KIAA0232: variants seen among roughly 807,000 people sequenced by gnomAD.
KIAA0232 encodes the protein KIAA0232, also known as uncharacterized protein KIAA0232.
A neutral mutation model predicts 122.0 loss-of-function variants in KIAA0232; 27 were observed. The observed-to-expected ratio is 0.22, with a 90% CI of 0.16 to 0.31. The LOEUF is 0.31. Ranked by LOEUF, KIAA0232 falls within the 10% of genes least tolerant of loss-of-function variation. The probability of loss-of-function intolerance (pLI) is 1.00; values close to 1 mark genes in which losing one functional copy is unlikely to be tolerated. For missense variants in KIAA0232, 1,551 were observed against 1,634.2 expected (o/e 0.95, Z 0.88); for synonymous variants, 613 against 587.6 (o/e 1.04, Z -0.63).
At chr4:6,838,551 G>C (rs940952077) in intron 3 of KIAA0232, among the ~76,000 whole-genome samples, 6 of 152,058 alleles carry the variant, frequency 3.9e-5, no homozygotes, top group Non-Finnish European at 7.4e-5. Context: ...AGGTCTGACT[G>C]TTACCTGATA....
rs1006752789 is a variant in KIAA0232 at position 6,883,529 on chromosome 4, G to A, written c.*2563G>A. On this transcript the variant is annotated 3_prime_UTR_variant, in exon 10 of 10. Coordinates refer to ENST00000307659, the MANE Select transcript of KIAA0232 (RefSeq NM_014743.3). Reference sequence around the variant, plus strand: ...CAGACACTGCTGAAAACATTGTGCAGCTTTGCTAGGGAAGAAAGTGGTGTG... The same window carrying A: ...CAGACACTGCTGAAAACATTGTGCAACTTTGCTAGGGAAGAAAGTGGTGTG... 5 of 152,170 alleles carry A rather than the reference G, an allele frequency of 3.3e-5. No homozygotes were observed. Among genetic ancestry groups the A allele is most frequent in the Non-Finnish European group, 5.9e-5 (4 of 68,036 alleles). The allele number at this position is 152,170 out of a possible 1,614,324, so 9.4% of individuals were successfully genotyped here.
intron 5 of KIAA0232, among the ~76,000 whole-genome samples, chr4:6,858,055 A>T (rs1045225005): frequency 6.6e-6 from 1 of 152,260 alleles, no homozygotes; most frequent in Non-Finnish European, 1.5e-5. Context: ...AGATGAGTCA[A>T]TGTAAAGTCT....
chr4:6,810,528 C>G (rs1357442724), intron 2 of KIAA0232, among the ~76,000 whole-genome samples: 1 of 152,110 alleles, frequency 6.6e-6, no homozygotes, highest in Non-Finnish European at 1.5e-5. Flanking sequence ...GGCAAAGAAT[C>G]AGTGACTAAG....
At chr4:6,866,437 G>T (rs936781973) in intron 7 of KIAA0232, among the ~76,000 whole-genome samples, 1 of 152,228 alleles carries the variant, frequency 6.6e-6, no homozygotes, top group Non-Finnish European at 1.5e-5. Flanking sequence ...TTACTTCATA[G>T]ATTCATCTGA....
intron 4 of KIAA0232, among the ~76,000 whole-genome samples, chr4:6,853,966 T>A (rs936450812): frequency 6.6e-6 from 1 of 151,938 alleles, no homozygotes; most frequent in Non-Finnish European, 1.5e-5. Context: ...GAGCAGAGAG[T>A]GTAGCAGTAG....
chr4:6,830,132 G>T (rs552705156), intron 3 of KIAA0232, among the ~76,000 whole-genome samples: 75 of 152,304 alleles, frequency 4.9e-4, no homozygotes, highest in African/African-American at 1.7e-3. Context: ...CATGTGCTGT[G>T]TGCCAGCCAC....
chr4:6,823,860 A>G (rs1322060518), intron 2 of KIAA0232, among the ~76,000 whole-genome samples: 4 of 152,188 alleles, frequency 2.6e-5, no homozygotes, highest in African/African-American at 9.7e-5. Context: ...ATTTATAAAG[A>G]CAATGTCTCA....
intron 8 of KIAA0232, 103 bp downstream of exon 8, chr4:6,871,785 G>T: frequency 1.4e-6 from 1 of 738,370 alleles, no homozygotes; most frequent in South Asian, 1.7e-5. Context: ...CATTTACCAA[G>T]AGGTTTCTGT....
At chr4:6,847,983 G>C (rs1227219158) in intron 4 of KIAA0232, among the ~76,000 whole-genome samples, 4 of 152,138 alleles carry the variant, frequency 2.6e-5, no homozygotes, top group Non-Finnish European at 5.9e-5. Flanking sequence ...ATGAGGCCCT[G>C]TTTGAGGAGT....
chr4:6,868,748 G>A (rs997811823), intron 7 of KIAA0232, among the ~76,000 whole-genome samples: 2 of 152,186 alleles, frequency 1.3e-5, no homozygotes, highest in African/African-American at 2.4e-5. Context: ...GATGAATATA[G>A]CATGATCCAG....
intron 1 of KIAA0232, among the ~76,000 whole-genome samples, chr4:6,785,579 A>G (rs544855894): frequency 5.3e-5 from 8 of 152,356 alleles, no homozygotes; most frequent in Non-Finnish European, 8.8e-5. Context: ...TTAAAACCTC[A>G]GATTACTTGC....
intron 1 of KIAA0232, among the ~76,000 whole-genome samples, chr4:6,795,337 A>C (rs550490519): frequency 1.4e-3 from 210 of 152,182 alleles, no homozygotes; most frequent in African/African-American, 4.8e-3. Flanking sequence ...CTCCCAAAGT[A>C]CTGGGATCAC....
At chr4:6,828,900 T>C (rs150033646) in intron 3 of KIAA0232, among the ~76,000 whole-genome samples, 38 of 152,270 alleles carry the variant, frequency 2.5e-4, no homozygotes, top group Middle Eastern at 3.4e-3. Flanking sequence ...AAAATTAGCA[T>C]TGATGAAACT....
chr4:6,832,376 T>G (rs1719035726), intron 3 of KIAA0232, among the ~76,000 whole-genome samples: 1 of 149,534 alleles, frequency 6.7e-6, no homozygotes, highest in South Asian at 2.2e-4. Flanking sequence ...GGAGAGGGAC[T>G]CTTGCTGTGT....
chr4:6,806,945 T>A (rs548922417), intron 2 of KIAA0232, among the ~76,000 whole-genome samples: 1 of 152,186 alleles, frequency 6.6e-6, no homozygotes, highest in African/African-American at 2.4e-5. Context: ...GAAGTCTGTT[T>A]AGTACTTCTG....
intron 8 of KIAA0232, among the ~76,000 whole-genome samples, chr4:6,875,206 G>A (rs980277982): frequency 2.0e-5 from 3 of 152,332 alleles, no homozygotes; most frequent in South Asian, 2.1e-4. Context: ...GATAAGCAGC[G>A]GTCATGGGTG....
intron 2 of KIAA0232, among the ~76,000 whole-genome samples, chr4:6,807,729 A>G (rs996635227): frequency 3.9e-5 from 6 of 152,190 alleles, no homozygotes; most frequent in African/African-American, 1.2e-4. Context: ...GCTACCTACT[A>G]AAGAGAATAA....
chr4:6,811,696 C>T (rs868575093), intron 2 of KIAA0232, among the ~76,000 whole-genome samples: 11 of 151,296 alleles, frequency 7.3e-5, no homozygotes, highest in Admixed American at 3.9e-4. Context: ...CCGTCCGCCT[C>T]GGCCACCCAA....
Position 6,863,147 on chromosome 4 carries a change from A to C in KIAA0232, c.2765A>C (p.Gln922Pro), listed in dbSNP as rs749919381. The change falls in exon 7 of 10, where the codon CAA becomes CCA. Residue 922 changes from glutamine (Q) to proline (P), a missense_variant. This residue lies in a region of KIAA0232 where 1,108 missense variants were observed against 1,154.8 expected (regional missense o/e 0.96). Coordinates refer to ENST00000307659, the MANE Select transcript of KIAA0232 (RefSeq NM_014743.3). Reference sequence around the variant, plus strand: ...CCCTCTAAACCCTGGGATGTAGCCCAAGATAAAGAAAACACATTCATTCTT... The same window carrying C: ...CCCTCTAAACCCTGGGATGTAGCCCCAGATAAAGAAAACACATTCATTCTT... ...TTPSKPWDVAQDKENTFILGG... is the reference protein window; with the variant it reads ...TTPSKPWDVAPDKENTFILGG... The C allele has an allele frequency of 1.9e-6, 3 of 1,614,112 alleles. No individual in the cohort carries two copies. Among genetic ancestry groups the C allele is most frequent in the Middle Eastern group, 1.6e-4 (1 of 6,084 alleles).
Sources: gnomAD v4.1 joint callset for allele counts (sites outside exome capture counted in the v4.1 genomes callset) on GRCh38, gnomAD v4.1.1 for gene constraint, gnomAD v4.1.1 regional missense constraint, MANE v1.5 for transcripts, NCBI Gene and HGNC (gene_info 2026-07-23, HGNC 2026-07-21) for gene names.